Variants in KDM2A observed in about 807,000 individuals in gnomAD.
KDM2A encodes the protein lysine demethylase 2A, also known as lysine-specific demethylase 2A.
A neutral mutation model predicts 137.3 loss-of-function variants in KDM2A; 3 were observed. The observed-to-expected ratio is 0.02, with a 90% confidence interval of 0.01 to 0.06. KDM2A has a LOEUF of 0.06. Ranked by LOEUF, KDM2A falls within the 10% of genes least tolerant of loss-of-function variation. The pLI is 1.00. For missense variants in KDM2A, 738 were observed against 1,510.6 expected (o/e 0.49, Z 8.48); for synonymous variants, 512 against 541.5 (o/e 0.95, Z 0.76).
At chr11:67,157,296 G>A (rs1248598774) in intron 2 of KDM2A, among the ~76,000 whole-genome samples, 6 of 129,246 alleles carry the variant, frequency 4.6e-5, no homozygotes, top group African/African-American at 1.5e-4. Context: ...CAGCCTGGGC[G>A]ACAGAGCAAG....
chr11:67,135,268 A>G (rs1855948152), intron 2 of KDM2A, among the ~76,000 whole-genome samples: 1 of 152,006 alleles, frequency 6.6e-6, no homozygotes, highest in African/African-American at 2.4e-5. Context: ...AAGTTTCAGC[A>G]TGTTGGTCAG....
intron 5 of KDM2A, 115 bp from the exon 6 acceptor site, chr11:67,207,395 A>C (rs1857835745): frequency 2.8e-6 from 2 of 720,936 alleles, no homozygotes; most frequent in South Asian, 6.6e-5. Flanking sequence ...TTCCTTGTGT[A>C]TTATTGAAAA....
intron 2 of KDM2A, 76 bp downstream of exon 2, chr11:67,121,434 C>T: frequency 7.2e-7 from 1 of 1,389,276 alleles, no homozygotes. Context: ...TGTGAATATA[C>T]TGTGAATCTG....
rs373584021 is a variant in KDM2A at position 67,231,787 on chromosome 11, G to A, written c.1306G>A (p.Gly436Arg). Residue 436 changes from glycine to arginine, a missense_variant, in exon 12 of 21, where the codon GGA becomes AGA. By Grantham distance (125) the Gly-to-Arg change is moderately radical (BLOSUM62 -2). Transcript: ENST00000529006. The part of the protein sequence containing the change: ...SSDCSRGSHN[G>R]QVWDPQCAPR... ...TGACTGTAGCCGGGGCTCCCACAATGGACAAGTGTGGGATCCCCAGTGTGC... is the reference window on the plus strand; with the variant it reads ...TGACTGTAGCCGGGGCTCCCACAATAGACAAGTGTGGGATCCCCAGTGTGC... 1 of 1,614,010 alleles carries A rather than the reference G, an allele frequency of 6.2e-7. No individual in the cohort carries two copies. Among genetic ancestry groups the A allele is most frequent in the African/African-American group, 1.3e-5 (1 of 75,056 alleles).
chr11:67,213,002 G>A (rs908953792), intron 6 of KDM2A, among the ~76,000 whole-genome samples: 2 of 152,166 alleles, frequency 1.3e-5, no homozygotes, highest in Non-Finnish European at 1.5e-5. Context: ...TTCTGGGACC[G>A]GCGGATGCTT....
intron 17 of KDM2A, chr11:67,252,333 C>T (rs1357586110): frequency 1.2e-5 from 3 of 256,038 alleles, no homozygotes; most frequent in Non-Finnish European, 2.4e-5. Context: ...TCAAGAGGCT[C>T]CCTTATATAC....
intron 2 of KDM2A, among the ~76,000 whole-genome samples, chr11:67,161,595 A>G (rs1380797419): frequency 6.6e-6 from 1 of 152,194 alleles, no homozygotes; most frequent in Non-Finnish European, 1.5e-5. Flanking sequence ...GATTTACTCA[A>G]ATTTCATTTA....
chr11:67,250,013 G>A lies in KDM2A; in HGVS notation c.2056-73G>A. ...TCTCTGGTCCCCTGAGAGCAAGGGA[G>A]GTCCACCCTGTCGGTTCAGAGGGTT... On this transcript the variant is annotated intron_variant, in intron 16 of 20. Transcript: ENST00000529006. This position sits in a 1 kb window ranked among gnomAD's most constrained non-coding sequence, Gnocchi z 7.1. 2 of 1,246,912 alleles carry A rather than the reference G, an allele frequency of 1.6e-6. No homozygotes were observed. Among genetic ancestry groups the A allele is most frequent in the South Asian group, 2.9e-5 (2 of 68,866 alleles). 77.2% of individuals were successfully genotyped at this position (1,246,912 alleles called of 1,614,324 possible). A position where few individuals can be genotyped will look rare whatever the true frequency, so the allele number is the denominator to read the frequency against.
chr11:67,164,421 T>C (rs1269085995), intron 2 of KDM2A, among the ~76,000 whole-genome samples: 1 of 152,164 alleles, frequency 6.6e-6, no homozygotes, highest in Non-Finnish European at 1.5e-5. Flanking sequence ...ATTTTTAGTT[T>C]CTCTGGTGGC....
At position 67,231,545 on chromosome 11, in the gene KDM2A, AT is replaced by A; in HGVS notation, c.1085-15del. On this transcript the variant is annotated intron_variant, in intron 11 of 20. Transcript: ENST00000529006. Reference sequence around the variant, plus strand: ...TGGCAGAGTGAAATGTTCTTACTGCATTTTTTCTTCATATTGGTAGATTTGG... The same window carrying A: ...TGGCAGAGTGAAATGTTCTTACTGCATTTTTCTTCATATTGGTAGATTTGG... The A allele has an allele frequency of 6.4e-7, 1 of 1,560,774 alleles. No homozygotes were observed. Among genetic ancestry groups the A allele is most frequent in the Non-Finnish European group, 8.7e-7 (1 of 1,152,598 alleles).
rs138458294 is a variant in KDM2A, at chr11:67,141,071, C to T, written c.42+19713C>T. Among the ~76,000 whole-genome samples, 1,000 of 152,264 alleles carry T rather than the reference C, an allele frequency of 6.6e-3. 6 individuals carry two copies. Among genetic ancestry groups the T allele is most frequent in the Middle Eastern group, 0.01 (3 of 294 alleles). ...GTGGGCACTTTCTCAGTTTATCCCC[C>T]TCTCTTTGGAGTGTCACTCCACGTT... On this transcript the variant is annotated intron_variant, in intron 2 of 20. Coordinates refer to ENST00000529006, the MANE Select transcript of KDM2A (RefSeq NM_012308.3).
chr11:67,228,199 G>A (rs1380441147), intron 11 of KDM2A, 36 bp downstream of exon 11: 7 of 1,604,666 alleles, frequency 4.4e-6, no homozygotes, highest in East Asian at 2.2e-5. Context: ...TGAAGACACC[G>A]CTTAGGTCTG....
intron 2 of KDM2A, among the ~76,000 whole-genome samples, chr11:67,156,042 G>C (rs1048518873): frequency 3.4e-5 from 5 of 145,134 alleles, no homozygotes; most frequent in African/African-American, 1.0e-4. Context: ...CTGAAGTCAG[G>C]AGTTAGAGAC....
chr11:67,151,087 T>C (rs1856374810), intron 2 of KDM2A, among the ~76,000 whole-genome samples: 1 of 152,206 alleles, frequency 6.6e-6, no homozygotes. Context: ...TTGTAAGTTA[T>C]ACCTTGGTAA....
intron 2 of KDM2A, among the ~76,000 whole-genome samples, chr11:67,157,077 G>C (rs1856531673): frequency 6.6e-6 from 1 of 152,076 alleles, no homozygotes; most frequent in Admixed American, 6.5e-5. Flanking sequence ...ACTTTGGGAG[G>C]CCGAGAAGGG....
At position 67,241,306 on chromosome 11, in the gene KDM2A, G is replaced by A. The variant is rs932708107; in HGVS notation, c.1480-1703G>A. 3.3e-5 allele frequency among the ~76,000 whole-genome samples: 5 copies of A among 152,288 alleles called. No individual in the cohort carries two copies. In the South Asian group the frequency reaches 1.0e-3, roughly 32 times the overall value. ...ACCCCCACGCTGTATGGTACTAACAGAAAAGGATGCCATAGCAACTTGAAG... is the reference window on the plus strand; with the variant it reads ...ACCCCCACGCTGTATGGTACTAACAAAAAAGGATGCCATAGCAACTTGAAG... On this transcript the variant is annotated intron_variant, in intron 12 of 20. Transcript: ENST00000529006.
In KDM2A at chr11:67,252,847, T is replaced by A; in HGVS notation, c.2922T>A (p.Asn974Lys). ...AAAAGCAACTGACATGGCTCGTCAA[T>A]AGGCTGCCAGGTAAGTGAGCAGCCC... ...ISKKQLTWLV[N>K]RLPGLKDLLL... The change falls in exon 18 of 21, where the codon AAT becomes AAA. Residue 974 changes from asparagine to lysine, a missense_variant. Physicochemically the swap from Asn to Lys is moderately conservative, Grantham distance 94 (BLOSUM62 0). Coordinates refer to ENST00000529006, the MANE Select transcript of KDM2A (RefSeq NM_012308.3). 1 of 1,605,556 alleles carries A rather than the reference T, an allele frequency of 6.2e-7. No homozygotes were observed. The highest frequency in any genetic ancestry group is 1.7e-5 in the Admixed American group (1 of 59,730).
At chr11:67,204,870 T>A (rs931823026) in intron 5 of KDM2A, among the ~76,000 whole-genome samples, 11 of 152,338 alleles carry the variant, frequency 7.2e-5, no homozygotes, top group Admixed American at 7.2e-4. Context: ...ACTATTTCCT[T>A]GTATGGATCA....
chr11:67,182,146 C>T (rs1036577552), intron 5 of KDM2A, among the ~76,000 whole-genome samples: 1 of 152,066 alleles, frequency 6.6e-6, no homozygotes, highest in African/African-American at 2.4e-5. Flanking sequence ...AAGAGTGTGC[C>T]TTCTAGGGCA....
Sources: allele counts gnomAD v4.1 joint callset (sites outside exome capture counted in the v4.1 genomes callset), GRCh38; gene constraint gnomAD v4.1.1; non-coding constraint Gnocchi (gnomAD v3.1); transcripts MANE v1.5; gene names NCBI Gene and HGNC (gene_info 2026-07-23, HGNC 2026-07-21).